LRBA: variants seen among roughly 807,000 people sequenced by gnomAD.
LRBA encodes the protein lipopolysaccharide-responsive and beige-like anchor protein.
Under a neutral mutation model 330.0 loss-of-function variants are expected in LRBA, and 176 were observed. The ratio of observed to expected loss-of-function variants is 0.53; its 90% CI spans 0.47 to 0.60. The LOEUF (loss-of-function observed/expected upper bound fraction) is 0.60, where lower values mean the gene tolerates loss of function less well. Among genes scored for constraint, LRBA ranks in the 20% least tolerant of loss-of-function variants. LRBA has a pLI of 0.00. For missense variants in LRBA, 3,259 were observed against 3,444.8 expected, an observed-to-expected ratio of 0.95 and a Z score of 1.35; for synonymous variants, 1,230 against 1,193.0, an observed-to-expected ratio of 1.03 and a Z score of -0.64.
chr4:150,624,090 T>A (rs867208323), intron 37 of LRBA, among the ~76,000 whole-genome samples: 1 of 152,212 alleles, frequency 6.6e-6, no homozygotes, highest in South Asian at 2.1e-4. Context: ...AAAATGTTTT[T>A]AAAATCTATT....
intron 42 of LRBA, among the ~76,000 whole-genome samples, chr4:150,476,796 G>A (rs556616833): frequency 2.0e-5 from 3 of 152,196 alleles, no homozygotes; most frequent in South Asian, 2.1e-4. Flanking sequence ...TTTTTGTTAC[G>A]GCTTAAAACT....
chr4:150,489,487 T>C (rs1305674414), intron 41 of LRBA, among the ~76,000 whole-genome samples: 1,221 of 46,592 alleles, frequency 0.026, 316 homozygotes, highest in Non-Finnish European at 0.046. Flanking sequence ...TATAAGAATA[T>C]ATAATATATT....
chr4:150,647,081 A>C (rs1779213022), intron 37 of LRBA, among the ~76,000 whole-genome samples: 1 of 152,072 alleles, frequency 6.6e-6, no homozygotes, highest in Non-Finnish European at 1.5e-5. Flanking sequence ...CTAATATTTT[A>C]GTAAAAATCA....
intron 35 of LRBA, among the ~76,000 whole-genome samples, chr4:150,740,064 A>G (rs1003793375): frequency 2.0e-5 from 3 of 152,212 alleles, no homozygotes; most frequent in Non-Finnish European, 4.4e-5. Context: ...ATATCATTTC[A>G]TGTCTAAAAA....
chr4:150,829,950 C>A (rs951878184), intron 29 of LRBA, among the ~76,000 whole-genome samples: 3 of 152,122 alleles, frequency 2.0e-5, no homozygotes, highest in African/African-American at 7.2e-5. Flanking sequence ...CTACCTTTTT[C>A]ATTCACAAAA....
At chr4:150,436,635 A>G (rs1751146040) in intron 45 of LRBA, 89 bp downstream of exon 45, 4 of 1,129,174 alleles carry the variant, frequency 3.5e-6, no homozygotes, top group Non-Finnish European at 5.0e-6. Context: ...TTAGTATTCA[A>G]AAAAATATGC....
chr4:150,608,250 G>A (rs1224630804), intron 37 of LRBA, among the ~76,000 whole-genome samples: 1 of 152,054 alleles, frequency 6.6e-6, no homozygotes, highest in Non-Finnish European at 1.5e-5. Flanking sequence ...GTTAGTCTTG[G>A]GAGTCAGTAG....
intron 2 of LRBA, among the ~76,000 whole-genome samples, chr4:150,971,486 C>T (rs1486205517): frequency 6.6e-6 from 1 of 152,152 alleles, no homozygotes; most frequent in Non-Finnish European, 1.5e-5. Flanking sequence ...CTTTCCTCAA[C>T]TCAACACAAC....
At position 150,637,607 on chromosome 4, in the gene LRBA, G is replaced by A. The variant is rs62344746; in HGVS notation, c.5922-38476C>T. Among the ~76,000 whole-genome samples, 1,464 of 152,256 alleles carry A rather than the reference G, an allele frequency of 9.6e-3. 15 individuals carry two copies. The highest frequency in any genetic ancestry group is 0.014 in the Non-Finnish European group (950 of 68,020). ...CCTCTCTCTTGATGGCTTTGATGAA[G>A]CAAGTAAGCCACCATACTGGAGAAG... On this transcript the variant is annotated intron_variant, in intron 37 of 56. Transcript: ENST00000651943.
chr4:150,920,205 A>T (rs1439549812), intron 5 of LRBA, among the ~76,000 whole-genome samples: 1 of 152,232 alleles, frequency 6.6e-6, no homozygotes, highest in East Asian at 1.9e-4. Flanking sequence ...CATAAAAAAA[A>T]GAATGAAAGA....
At chr4:150,560,843 G>A (rs138967761) in intron 40 of LRBA, among the ~76,000 whole-genome samples, 6 of 152,084 alleles carry the variant, frequency 3.9e-5, no homozygotes, top group East Asian at 1.9e-4. Context: ...AAAATTAGTC[G>A]GGCATGGTGG....
chr4:150,722,025 G>A (rs532091912), intron 36 of LRBA, among the ~76,000 whole-genome samples: 87 of 152,132 alleles, frequency 5.7e-4, no homozygotes, highest in South Asian at 2.9e-3. Context: ...ATTCCTACGG[G>A]GCAGTTATGG....
intron 35 of LRBA, among the ~76,000 whole-genome samples, chr4:150,752,024 T>C (rs776060943): frequency 2.0e-5 from 3 of 152,172 alleles, no homozygotes; most frequent in Non-Finnish European, 4.4e-5. Context: ...GGAAAGTTAC[T>C]ACTTTTCTAC....
intron 53 of LRBA, among the ~76,000 whole-genome samples, chr4:150,291,194 G>C (rs1226611525): frequency 6.8e-6 from 1 of 147,218 alleles, no homozygotes; most frequent in Admixed American, 6.8e-5. Context: ...ACCAAAAGCA[G>C]TGGCAACAAA....
chr4:150,318,208 AC>A (rs1185714029), intron 50 of LRBA, among the ~76,000 whole-genome samples: 4 of 152,116 alleles, frequency 2.6e-5, no homozygotes, highest in Non-Finnish European at 5.9e-5. Context: ...CTTTTTGGCC[AC>A]CAGTTAGAAT....
intron 36 of LRBA, among the ~76,000 whole-genome samples, chr4:150,705,689 T>A (rs1785549275): frequency 6.6e-6 from 1 of 151,940 alleles, no homozygotes; most frequent in Non-Finnish European, 1.5e-5. Context: ...TCAAAAAAAG[T>A]ATACTATGAA....
intron 44 of LRBA, among the ~76,000 whole-genome samples, chr4:150,454,492 C>T (rs1753799778): frequency 6.6e-6 from 1 of 151,872 alleles, no homozygotes; most frequent in Non-Finnish European, 1.5e-5. Context: ...ACAGGTAACA[C>T]TCAGATTTTA....
chr4:150,631,180 CT>C (rs1021283533), intron 37 of LRBA, among the ~76,000 whole-genome samples: 8 of 150,108 alleles, frequency 5.3e-5, no homozygotes, highest in Non-Finnish European at 3.0e-5. Context: ...TATTCTTGAT[CT>C]TTAAAAAAAA....
intron 33 of LRBA, among the ~76,000 whole-genome samples, chr4:150,805,143 A>G (rs1380650512): frequency 6.6e-6 from 1 of 150,386 alleles, no homozygotes; most frequent in Non-Finnish European, 1.5e-5. Flanking sequence ...GAAGGCACTC[A>G]CTACATGGCA....
Sources: allele counts gnomAD v4.1 joint callset (sites outside exome capture counted in the v4.1 genomes callset), GRCh38; gene constraint gnomAD v4.1.1; transcripts MANE v1.5; gene names NCBI Gene and HGNC (gene_info 2026-07-23, HGNC 2026-07-21).